FAH: variants seen among roughly 807,000 people sequenced by gnomAD.
FAH encodes fumarylacetoacetate hydrolase.
FAH carries 47 observed loss-of-function variants against 55.8 expected under a neutral mutation model. The ratio of observed to expected loss-of-function variants is 0.84; its 90% CI spans 0.67 to 1.07. FAH has a LOEUF of 1.07. Ranked by LOEUF, FAH falls within the 50% of genes least tolerant of loss-of-function variation. FAH has a pLI of 0.00. For synonymous variants in FAH, 199 were observed against 207.7 expected, an observed-to-expected ratio of 0.96 and a Z score of 0.36; for missense variants, 495 against 545.9, an observed-to-expected ratio of 0.91 and a Z score of 0.93.
intron 13 of FAH, among the ~76,000 whole-genome samples, chr15:80,182,008 C>T (rs1450563823): frequency 1.3e-5 from 2 of 152,186 alleles, no homozygotes; most frequent in African/African-American, 4.8e-5. Context: ...GAAATGTATT[C>T]TCTCACAGCT....
chr15:80,175,698 GGC>G (rs1307959247), intron 10 of FAH, among the ~76,000 whole-genome samples: 1 of 152,260 alleles, frequency 6.6e-6, no homozygotes, highest in East Asian at 1.9e-4. Context: ...TAAAGAGACT[GGC>G]TCTGCAGGCC....
chr15:80,168,709 G>T (rs1000739982), intron 7 of FAH, among the ~76,000 whole-genome samples: 1 of 152,136 alleles, frequency 6.6e-6, no homozygotes, highest in South Asian at 2.1e-4. Flanking sequence ...AGTCTATTCG[G>T]TGCCATGTTT....
At chr15:80,157,871 G>T in intron 1 of FAH, 189 bp from the exon 2 acceptor site, 1 of 627,188 alleles carries the variant, frequency 1.6e-6, no homozygotes, top group South Asian at 1.8e-5. Flanking sequence ...TTTCCTTTTA[G>T]TTCTGGAAGC....
At chr15:80,169,784 C>T (rs1401928471) in intron 7 of FAH, among the ~76,000 whole-genome samples, 4 of 152,310 alleles carry the variant, frequency 2.6e-5, no homozygotes, top group Non-Finnish European at 2.9e-5. Flanking sequence ...CCACCTGCCT[C>T]GGCCTCCCAA....
At chr15:80,178,504 A>G (rs754218573) in intron 11 of FAH, among the ~76,000 whole-genome samples, 4 of 151,768 alleles carry the variant, frequency 2.6e-5, no homozygotes, top group Non-Finnish European at 5.9e-5. Context: ...GTGAGATTCA[A>G]CCCTGTTGCT....
At chr15:80,183,613 C>T (rs1299136432) in intron 13 of FAH, among the ~76,000 whole-genome samples, 1 of 152,236 alleles carries the variant, frequency 6.6e-6, no homozygotes, top group Non-Finnish European at 1.5e-5. Context: ...TTATGGCTGC[C>T]TCTCATTTCC....
chr15:80,157,987 A>G (rs2041113189), intron 1 of FAH, 73 bp from the exon 2 acceptor site: 1 of 1,119,872 alleles, frequency 8.9e-7, no homozygotes, highest in African/African-American at 1.5e-5. Context: ...TTCAATAGAT[A>G]GGCTTTCTGA....
downstream of FAH, chr15:80,186,595 G>T (rs1007196473): frequency 1.1e-4 from 31 of 282,210 alleles, no homozygotes; most frequent in African/African-American, 5.2e-4. Context: ...TCGATTTATT[G>T]ATTGATTGAT....
chr15:80,172,373 G>T, intron 8 of FAH, 125 bp downstream of exon 8: 1 of 720,670 alleles, frequency 1.4e-6, no homozygotes, highest in East Asian at 2.6e-5. Flanking sequence ...ACTGAGAGTG[G>T]GGGTCTGGGT....
chr15:80,183,251 C>G (rs1443399351), intron 13 of FAH, among the ~76,000 whole-genome samples: 1 of 152,008 alleles, frequency 6.6e-6, no homozygotes, highest in Non-Finnish European at 1.5e-5. Context: ...CCCCTGGAAC[C>G]AAGAAAGAAG....
intron 11 of FAH, among the ~76,000 whole-genome samples, chr15:80,178,143 T>A (rs1434408262): frequency 6.6e-6 from 1 of 152,120 alleles, no homozygotes; most frequent in Non-Finnish European, 1.5e-5. Context: ...GAGGCTGCAG[T>A]GAGCCATGAT....
At chr15:80,172,593 G>A (rs1430029944) in intron 8 of FAH, among the ~76,000 whole-genome samples, 1 of 152,180 alleles carries the variant, frequency 6.6e-6, no homozygotes, top group Non-Finnish European at 1.5e-5. Context: ...TTACAGATGA[G>A]GAACTGAGGC....
intron 7 of FAH, 122 bp downstream of exon 7, chr15:80,168,438 G>T (rs781236899): frequency 2.1e-6 from 2 of 934,214 alleles, no homozygotes; most frequent in East Asian, 2.4e-5. Flanking sequence ...ATCGGCAGCC[G>T]CTCTGTGTCC....
intron 2 of FAH, 66 bp downstream of exon 2, chr15:80,158,236 A>C: frequency 1.8e-6 from 2 of 1,092,668 alleles, no homozygotes; most frequent in South Asian, 2.5e-5. Flanking sequence ...CAACAAGAGA[A>C]TGCTCCTTGC....
At chr15:80,168,499 A>G (rs567962387) in intron 7 of FAH, 183 bp downstream of exon 7, 6 of 641,916 alleles carry the variant, frequency 9.3e-6, no homozygotes, top group East Asian at 8.2e-5. Flanking sequence ...CAGATTCTGT[A>G]TTTGAGAATT....
At chr15:80,156,994 A>G (rs2041105499) in intron 1 of FAH, 1 of 152,306 alleles carries the variant, frequency 6.6e-6, no homozygotes, top group Non-Finnish European at 1.5e-5. Flanking sequence ...TCTGCCCTGC[A>G]CATTCCCTGA....
rs552058787 is a variant in FAH, at chr15:80,180,361, G to C, written c.1062+136G>C. On this transcript the variant is annotated intron_variant, in intron 12 of 13. Coordinates refer to ENST00000561421, the MANE Select transcript of FAH (RefSeq NM_000137.4). The stretch of plus-strand genomic sequence containing the variant: ...TGTATCTCACAACTCTGTCTTCCTC[G>C]TAGCCTTTCTCTCTGGGTGCAGGAG... 69 of 706,424 alleles carry C rather than the reference G, an allele frequency of 9.8e-5. No homozygotes were observed. In the South Asian group the frequency reaches 1.0e-3, roughly 10 times the overall value. The allele number at this position is 706,424 out of a possible 1,614,324, so 43.8% of individuals were successfully genotyped here.
intron 1 of FAH, among the ~76,000 whole-genome samples, chr15:80,154,722 T>A (rs2041083571): frequency 6.6e-6 from 1 of 152,238 alleles, no homozygotes; most frequent in South Asian, 2.1e-4. Context: ...CATTTTTTTT[T>A]ATTCAGCGAA....
chr15:80,175,148 G>T, intron 10 of FAH, 57 bp downstream of exon 10: 7 of 1,512,990 alleles, frequency 4.6e-6, no homozygotes, highest in African/African-American at 1.4e-5. Flanking sequence ...GTGCCTGTGT[G>T]CCTTGTCCTG....
Sources: gnomAD v4.1 joint callset for allele counts (sites outside exome capture counted in the v4.1 genomes callset) on GRCh38, gnomAD v4.1.1 for gene constraint, MANE v1.5 for transcripts, NCBI Gene and HGNC (gene_info 2026-07-23, HGNC 2026-07-21) for gene names.